Variants in FIBCD1 observed in about 807,000 individuals in gnomAD.
FIBCD1 encodes fibrinogen C domain containing 1.
Under a neutral mutation model 45.1 loss-of-function variants are expected in FIBCD1, and 47 were observed. That is an observed-to-expected ratio of 1.04 (90% confidence interval 0.82 to 1.33). The LOEUF is 1.33. Ranked by LOEUF, FIBCD1 falls within the 40% of genes most tolerant of loss-of-function variation. The probability of loss-of-function intolerance (pLI) is 0.00; values close to 1 mark genes in which losing one functional copy is unlikely to be tolerated. For synonymous variants in FIBCD1, 313 were observed against 308.1 expected (o/e 1.02, Z -0.17); for missense variants, 653 against 682.2 (o/e 0.96, Z 0.48).
intron 5 of FIBCD1, 48 bp downstream of exon 5, chr9:130,911,744 G>A (rs1314232221): frequency 6.6e-7 from 1 of 1,521,352 alleles, no homozygotes; most frequent in East Asian, 2.4e-5. Context: ...TGTCCGGAAG[G>A]CAGGGGGAGG....
Position 130,926,683 on chromosome 9 carries a change from G to T in FIBCD1, c.553-2287C>A, listed in dbSNP as rs912671332. 2.0e-5 allele frequency among the ~76,000 whole-genome samples: 3 copies of T among 152,094 alleles called. No homozygotes were observed. The highest frequency in any genetic ancestry group is 4.4e-5 in the Non-Finnish European group (3 of 68,002). The stretch of plus-strand genomic sequence containing the variant: ...AAAAATACAAAAAAATTAGCCGGGC[G>T]TGGTGGCGGGCGCCTGTAGTCCCAG... On this transcript the variant is annotated intron_variant, in intron 2 of 6. Coordinates refer to ENST00000372338, the MANE Select transcript of FIBCD1 (RefSeq NM_032843.5). The surrounding 1 kb of genome is among the most constrained non-coding windows in gnomAD (Gnocchi z 4.1).
At chr9:130,917,679 C>G (rs1394766504) in intron 4 of FIBCD1, among the ~76,000 whole-genome samples, 2 of 152,224 alleles carry the variant, frequency 1.3e-5, no homozygotes, top group African/African-American at 4.8e-5. Context: ...AGCTAGCGTC[C>G]TGAGCACTGA....
chr9:130,917,223 G>A (rs1434143339), intron 4 of FIBCD1, among the ~76,000 whole-genome samples: 2 of 152,252 alleles, frequency 1.3e-5, no homozygotes, highest in Non-Finnish European at 2.9e-5. Context: ...GGTCCCGGCT[G>A]GAAAACGATT....
In FIBCD1 at chr9:130,938,790, GGCGGGAGCAGGA is replaced by G. The variant is rs1832564435; in HGVS notation, c.-195_-184del. 5.8e-6 allele frequency: 1 copy of G among 173,682 alleles called. No individual in the cohort carries two copies. Among genetic ancestry groups the G allele is most frequent in the Admixed American group, 6.4e-5 (1 of 15,572 alleles). 10.8% of individuals were successfully genotyped at this position (173,682 alleles called of 1,614,324 possible). ...GAGGATGAGCGCGCCGCTGTGTGCGGGCGGGAGCAGGAGCGGGAGCGCGAAAGCCGCCAGCCC... is the reference window on the plus strand; with the variant it reads ...GAGGATGAGCGCGCCGCTGTGTGCGGGCGGGAGCGCGAAAGCCGCCAGCCC... On this transcript the variant is annotated 5_prime_UTR_variant, in exon 1 of 7. Coordinates refer to ENST00000372338, the MANE Select transcript of FIBCD1 (RefSeq NM_032843.5).
chr9:130,904,238 G>C lies in FIBCD1; in HGVS notation c.1212C>G (p.Phe404Leu), dbSNP rs1163657111. 3 of 1,613,674 alleles carry C rather than the reference G, an allele frequency of 1.9e-6. No individual in the cohort carries two copies. The African/African-American group carries it at 4.0e-5, about 22-fold the overall frequency. ...TGCGGTACCACCAGGCACCGCGGTA[G>C]AAGGCGGCACAGTTGTTCTCTGAAT... Reference protein sequence around the residue: ...SDHSENNCAAFYRGAWWYRNC... With the variant: ...SDHSENNCAALYRGAWWYRNC... Residue 404 changes from phenylalanine to leucine, a missense_variant, in exon 7 of 7, where the codon TTC becomes TTG. Transcript: ENST00000372338.
chr9:130,929,866 C>A lies in FIBCD1; in HGVS notation c.253G>T (p.Ala85Ser). 2 of 1,549,740 alleles carry A rather than the reference C, an allele frequency of 1.3e-6. No homozygotes were observed. Among genetic ancestry groups the A allele is most frequent in the Non-Finnish European group, 1.7e-6 (2 of 1,146,662 alleles). The stretch of plus-strand genomic sequence containing the variant: ...AGGATGCTGAGGTGCGAGCTGTCCG[C>A]CCTTTCCACAGTGACCAGGGCGCTG... ...ANSALVTVER[A>S]DSSHLSILID... The change falls in exon 2 of 7, where the codon GCG (alanine) becomes TCG (serine). Residue 85 changes from alanine (A) to serine (S), a missense_variant. Coordinates refer to ENST00000372338, the MANE Select transcript of FIBCD1 (RefSeq NM_032843.5).
chr9:130,927,197 T>C (rs11244197), intron 2 of FIBCD1, among the ~76,000 whole-genome samples: 74,557 of 151,370 alleles, frequency 0.49, 20,349 homozygotes, highest in Non-Finnish European at 0.63. Context: ...AAGCCCTGAT[T>C]GTGCCACTGC....
In FIBCD1 at chr9:130,903,613, T is replaced by C; in HGVS notation, c.*451A>G. ...GGCTGGAGGATACTGGCCTCAGACC[T>C]GACCTCAGAGAGACCTGACGTTCCC... On this transcript the variant is annotated 3_prime_UTR_variant, in exon 7 of 7. Transcript: ENST00000372338. 1 of 268,772 alleles carries C rather than the reference T, an allele frequency of 3.7e-6. No individual in the cohort carries two copies. Among genetic ancestry groups the C allele is most frequent in the Non-Finnish European group, 7.3e-6 (1 of 136,542 alleles). The allele number at this position is 268,772 out of a possible 1,614,324, so 16.6% of individuals were successfully genotyped here.
rs370762080 is a variant in FIBCD1, at chr9:130,929,560, G to A, written c.552+7C>T. On this transcript the variant is annotated splice_region_variant and intron_variant, in intron 2 of 6. Transcript: ENST00000372338. ...GCAAGACCCCAAGATGCAGACCCCA[G>A]CCCTACCTGGATGAGGCGGCCCTGC... 6.7e-7 allele frequency: 1 copy of A among 1,501,368 alleles called. No individual in the cohort carries two copies. The highest frequency in any genetic ancestry group is 1.4e-5 in the South Asian group (1 of 73,894). 93.0% of individuals were successfully genotyped at this position (1,501,368 alleles called of 1,614,324 possible).
chr9:130,907,521 A>G (rs1232129180), intron 5 of FIBCD1, among the ~76,000 whole-genome samples: 1 of 152,210 alleles, frequency 6.6e-6, no homozygotes, highest in East Asian at 1.9e-4. Flanking sequence ...ACAGACAGGA[A>G]ACCACTAAGA....
chr9:130,919,268 C>T (rs1465365639), intron 4 of FIBCD1, among the ~76,000 whole-genome samples: 4 of 152,342 alleles, frequency 2.6e-5, no homozygotes, highest in Non-Finnish European at 5.9e-5. Context: ...GGTCACCGGT[C>T]ACCTCGCCAT....
intron 2 of FIBCD1, among the ~76,000 whole-genome samples, chr9:130,924,810 A>G (rs935003762): frequency 6.6e-6 from 1 of 152,162 alleles, no homozygotes; most frequent in Non-Finnish European, 1.5e-5. Context: ...TGCCGGTTAT[A>G]TGACTAGGGG....
intron 4 of FIBCD1, among the ~76,000 whole-genome samples, chr9:130,912,956 C>G (rs1832089175): frequency 6.6e-6 from 1 of 152,160 alleles, no homozygotes; most frequent in Non-Finnish European, 1.5e-5. Context: ...CCAAAACAAG[C>G]CTGGGGCAGG....
Position 130,911,826 on chromosome 9 carries a change from G to T in FIBCD1, c.912C>A (p.Asp304Glu), listed in dbSNP as rs149922280. The T allele has an allele frequency of 6.2e-7, 1 of 1,604,688 alleles. No individual in the cohort carries two copies. Among genetic ancestry groups the T allele is most frequent in the South Asian group, 1.1e-5 (1 of 89,380 alleles). Residue 304 changes from aspartate (D) to glutamate (E), a missense_variant, in exon 5 of 7, where the codon GAC becomes GAA. By Grantham distance (45) the Asp-to-Glu change is conservative. Coordinates refer to ENST00000372338, the MANE Select transcript of FIBCD1 (RefSeq NM_032843.5). The part of the protein sequence containing the change: ...NFFRGWDAYR[D>E]GFGRLTGEHW... ...GCTCCCCGGTGAGCCTGCCAAAGCC[G>T]TCTCGGTACGCATCCCAGCCCCGGA...
chr9:130,908,026 AG>A (rs138176066), intron 5 of FIBCD1, among the ~76,000 whole-genome samples: 12,533 of 152,066 alleles, frequency 0.082, 967 homozygotes, highest in African/African-American at 0.2. Flanking sequence ...TACAAAGAAA[AG>A]GGTGGCAGAA....
chr9:130,935,484 C>T (rs1832504405), intron 1 of FIBCD1, among the ~76,000 whole-genome samples: 2 of 152,266 alleles, frequency 1.3e-5, no homozygotes, highest in Admixed American at 1.3e-4. Context: ...AAATCGGCAA[C>T]TTGTCCAAGG....
intron 4 of FIBCD1, among the ~76,000 whole-genome samples, chr9:130,912,655 C>T (rs916631530): frequency 2.7e-5 from 4 of 150,220 alleles, no homozygotes; most frequent in Non-Finnish European, 5.9e-5. Flanking sequence ...TGCAGTGAGC[C>T]GAGATCATGC....
At chr9:130,927,597 G>A (rs1014005859) in intron 2 of FIBCD1, among the ~76,000 whole-genome samples, 1 of 152,228 alleles carries the variant, frequency 6.6e-6, no homozygotes, top group East Asian at 1.9e-4. Flanking sequence ...TGACCAGCAG[G>A]CCTCAGGGAC....
At position 130,924,411 on chromosome 9, in the gene FIBCD1, G is replaced by A. The variant is rs1343986812; in HGVS notation, c.553-15C>T. The A allele has an allele frequency of 6.2e-7, 1 of 1,600,674 alleles. No homozygotes were observed. Among genetic ancestry groups the A allele is most frequent in the South Asian group, 1.1e-5 (1 of 88,494 alleles). ...TCAGAGAGAAGCTGCGGAGCACAGG[G>A]GGTGAGCCGAGGGGGCAGGGGCTCT... is the stretch of plus-strand genomic sequence containing the variant. On this transcript the variant is annotated splice_polypyrimidine_tract_variant and intron_variant, in intron 2 of 6. Coordinates refer to ENST00000372338, the MANE Select transcript of FIBCD1 (RefSeq NM_032843.5).
Sources: allele counts gnomAD v4.1 joint callset (sites outside exome capture counted in the v4.1 genomes callset), GRCh38; gene constraint gnomAD v4.1.1; non-coding constraint Gnocchi (gnomAD v3.1); transcripts MANE v1.5; gene names NCBI Gene and HGNC (gene_info 2026-07-23, HGNC 2026-07-21).